EVC2: variants seen among roughly 807,000 people sequenced by gnomAD.
The protein encoded by EVC2 is EvC ciliary complex subunit 2, also known as limbin.
A neutral mutation model predicts 149.3 loss-of-function variants in EVC2; 148 were observed. The observed-to-expected ratio is 0.99, with a 90% CI of 0.87 to 1.14. The LOEUF (loss-of-function observed/expected upper bound fraction) is 1.14. Among genes scored for constraint, EVC2 ranks in the 50% most tolerant of loss-of-function variants. EVC2 has a pLI of 0.00. For synonymous variants in EVC2, 776 were observed against 649.9 expected (o/e 1.19, Z -2.95); for missense variants, 1,854 against 1,627.3 (o/e 1.14, Z -2.40).
chr4:5,644,876 T>C (rs959946387), intron 9 of EVC2, among the ~76,000 whole-genome samples: 1 of 152,216 alleles, frequency 6.6e-6, no homozygotes, highest in African/African-American at 2.4e-5. Flanking sequence ...TTTTTTATGG[T>C]TGAAAAACAT....
chr4:5,699,411 G>T lies in EVC2; in HGVS notation c.229-1764C>A, dbSNP rs139125661. Among the ~76,000 whole-genome samples the T allele has an allele frequency of 6.0e-3, 916 of 152,296 alleles. 7 individuals are homozygous for T. Among genetic ancestry groups the T allele is most frequent in the African/African-American group, 0.021 (854 of 41,558 alleles). The stretch of plus-strand genomic sequence containing the variant: ...CCAGGCAGCTATTAAAAAGAGTAAA[G>T]CAGCATGATTCAGAATTCCACTTCT... On this transcript the variant is annotated intron_variant, in intron 1 of 21. Coordinates refer to ENST00000344408, the MANE Select transcript of EVC2 (RefSeq NM_147127.5).
chr4:5,612,921 CCA>C lies in EVC2; in HGVS notation c.2829+2499_2829+2500del, dbSNP rs1491357184. On this transcript the variant is annotated intron_variant, in intron 16 of 21. Transcript: ENST00000344408. Reference sequence around the variant, plus strand: ...TGGGTGACAGAGCGAGACTCTGTCTCCAAAAAAAAAAAAAAAAAAAAAAAAAA... The same window carrying C: ...TGGGTGACAGAGCGAGACTCTGTCTCAAAAAAAAAAAAAAAAAAAAAAAAA... 1.5e-3 allele frequency among the ~76,000 whole-genome samples: 102 copies of C among 69,170 alleles called. 1 individual carries two copies. The highest frequency in any genetic ancestry group is 5.1e-3 in the African/African-American group (100 of 19,522). The allele number at this position is 69,170 out of a possible 152,430, so 45.4% of individuals were successfully genotyped here.
intron 9 of EVC2, among the ~76,000 whole-genome samples, chr4:5,645,360 G>T (rs1248020421): frequency 6.6e-6 from 1 of 151,610 alleles, no homozygotes; most frequent in African/African-American, 2.4e-5. Context: ...TGTCATGCAG[G>T]TATTAAGCCT....
chr4:5,643,312 T>G (rs140685453), intron 9 of EVC2, among the ~76,000 whole-genome samples: 1 of 152,304 alleles, frequency 6.6e-6, no homozygotes, highest in East Asian at 1.9e-4. Context: ...GCATGAAAAG[T>G]TGAGACCAAG....
intron 7 of EVC2, among the ~76,000 whole-genome samples, chr4:5,678,655 C>G (rs10020608): frequency 0.35 from 53,224 of 152,104 alleles, 10,123 homozygotes; most frequent in Non-Finnish European, 0.43. Context: ...ATAGTCTATT[C>G]CTCCTGGCTA....
At chr4:5,557,835 T>A (rs1448864691), downstream of EVC2, among the ~76,000 whole-genome samples, 1 of 152,156 alleles carries the variant, frequency 6.6e-6, no homozygotes, top group Non-Finnish European at 1.5e-5. Context: ...TAATATAATT[T>A]AGGTTTAAAT....
chr4:5,596,978 A>G (rs944009419), intron 16 of EVC2, among the ~76,000 whole-genome samples: 11 of 152,230 alleles, frequency 7.2e-5, no homozygotes, highest in Non-Finnish European at 1.5e-4. Context: ...AAATGGATAA[A>G]TTCCTCAACA....
chr4:5,705,162 C>A (rs895639098), intron 1 of EVC2, among the ~76,000 whole-genome samples: 1 of 152,170 alleles, frequency 6.6e-6, no homozygotes, highest in Non-Finnish European at 1.5e-5. Flanking sequence ...GCATCACAAC[C>A]AACCTAAATT....
Position 5,563,502 on chromosome 4 carries a change from A to C in EVC2, c.3660-387T>G, listed in dbSNP as rs546970937. Among the ~76,000 whole-genome samples, 3 of 152,248 alleles carry C rather than the reference A, an allele frequency of 2.0e-5. No homozygotes were observed. The South Asian group carries it at 6.2e-4, about 32-fold the overall frequency. On this transcript the variant is annotated intron_variant, in intron 21 of 21. Transcript: ENST00000344408. ...ACTGGGACGACAGGCGCGTGCAACC[A>C]TGCCCAGCTAATTTCTTTTAATAGA...
chr4:5,701,511 G>A (rs570665862), intron 1 of EVC2, among the ~76,000 whole-genome samples: 2 of 152,236 alleles, frequency 1.3e-5, no homozygotes, highest in Middle Eastern at 3.4e-3. Context: ...GAGGCCACAC[G>A]TTGTCCGGCC....
intron 17 of EVC2, among the ~76,000 whole-genome samples, chr4:5,581,463 T>C (rs184293564): frequency 6.6e-6 from 1 of 152,240 alleles, no homozygotes; most frequent in South Asian, 2.1e-4. Context: ...ACTTTTGCCA[T>C]GCTTTAGCAA....
chr4:5,630,636 A>T (rs1716463835), intron 11 of EVC2, among the ~76,000 whole-genome samples: 2 of 152,212 alleles, frequency 1.3e-5, no homozygotes, highest in Non-Finnish European at 2.9e-5. Flanking sequence ...CTCAAGAAGC[A>T]CAGTGATGCA....
intron 21 of EVC2, among the ~76,000 whole-genome samples, chr4:5,550,122 T>A (rs1472179819): frequency 6.6e-6 from 1 of 152,164 alleles, no homozygotes; most frequent in Non-Finnish European, 1.5e-5. Context: ...GAAAATGAAC[T>A]AATACAGTAA....
At chr4:5,683,139 G>A (rs778076530) in intron 6 of EVC2, among the ~76,000 whole-genome samples, 1 of 152,194 alleles carries the variant, frequency 6.6e-6, no homozygotes, top group East Asian at 1.9e-4. Flanking sequence ...TTCATAGGAG[G>A]GAAATGGAAC....
At chr4:5,604,563 A>G (rs1212101804) in intron 16 of EVC2, among the ~76,000 whole-genome samples, 1 of 152,120 alleles carries the variant, frequency 6.6e-6, no homozygotes. Flanking sequence ...TGTGGGGGAG[A>G]CAAAAGAGGC....
chr4:5,695,974 C>T (rs910059944), intron 2 of EVC2, among the ~76,000 whole-genome samples: 3 of 152,058 alleles, frequency 2.0e-5, no homozygotes, highest in African/African-American at 7.2e-5. Context: ...GATTCAGTTC[C>T]TCAGGTTGGG....
chr4:5,612,060 T>A lies in EVC2; in HGVS notation c.2829+3362A>T, dbSNP rs181664440. ...GGCTATCACATTTGCCAAGACGGAA[T>A]GTTAAATATACTCTTTTAAATTGGA... On this transcript the variant is annotated intron_variant, in intron 16 of 21. Transcript: ENST00000344408. 1.4e-4 allele frequency among the ~76,000 whole-genome samples: 21 copies of A among 152,332 alleles called. No homozygotes were observed. In the East Asian group the frequency reaches 3.7e-3, roughly 27 times the overall value.
rs1052705757 is a variant in EVC2, at chr4:5,677,708, G to A, written c.870+3552C>T. Among the ~76,000 whole-genome samples, 1 of 152,154 alleles carries A rather than the reference G, an allele frequency of 6.6e-6. No individual in the cohort carries two copies. The highest frequency in any genetic ancestry group is 2.4e-5 in the African/African-American group (1 of 41,424). ...CTCCTCCTCCTGAGCAGCAATCATC[G>A]TCATTGACGACAATAAGCTCAATCA... is the stretch of plus-strand genomic sequence containing the variant. On this transcript the variant is annotated intron_variant, in intron 7 of 21. Coordinates refer to ENST00000344408, the MANE Select transcript of EVC2 (RefSeq NM_147127.5). The surrounding 1 kb of genome is among the most constrained non-coding windows in gnomAD (Gnocchi z 4.3).
At position 5,663,143 on chromosome 4, in the gene EVC2, GA is replaced by G. The variant is rs2108895910; in HGVS notation, c.1108del (p.Ser370ProfsTer11). Reference protein sequence around the residue: ...LNDQMIDILSSEDPGSMLQAL... With the variant: ...LNDQMIDILSXEDPGSMLQAL... ...TTGAAGCATGCTCCCAGGGTCCTCG[GA>G]AGACAGAATGTCTATCATTTGGTCG... On this transcript the variant is annotated frameshift_variant, in exon 9 of 22. Transcript: ENST00000344408. LOFTEE classifies it high-confidence loss of function. 4 of 1,614,126 alleles carry G rather than the reference GA, an allele frequency of 2.5e-6. No individual in the cohort carries two copies. In the South Asian group the frequency reaches 4.4e-5, roughly 18 times the overall value.
Sources: allele counts gnomAD v4.1 joint callset (sites outside exome capture counted in the v4.1 genomes callset), GRCh38; gene constraint gnomAD v4.1.1; non-coding constraint Gnocchi (gnomAD v3.1); transcripts MANE v1.5; gene names NCBI Gene and HGNC (gene_info 2026-07-23, HGNC 2026-07-21).